WDFY3: variants seen among roughly 807,000 people sequenced by gnomAD.
WDFY3 encodes the protein WD repeat and FYVE domain containing 3.
A neutral mutation model predicts 409.6 loss-of-function variants in WDFY3; 66 were observed. That is an observed-to-expected ratio of 0.16 (90% CI 0.13 to 0.20). WDFY3 has a LOEUF of 0.20. Among genes scored for constraint, WDFY3 ranks in the 10% least tolerant of loss-of-function variants. WDFY3 has a pLI of 1.00. For synonymous variants in WDFY3, 1,521 were observed against 1,537.1 expected (o/e 0.99, Z 0.25); for missense variants, 3,031 against 4,298.1 (o/e 0.71, Z 8.24).
At chr4:84,735,692 ACTATT>A (rs1311969631) in intron 42 of WDFY3, among the ~76,000 whole-genome samples, 1 of 152,174 alleles carries the variant, frequency 6.6e-6, no homozygotes, top group Non-Finnish European at 1.5e-5. Flanking sequence ...GCTGACACAT[ACTATT>A]TCTCTCAGAT....
chr4:84,842,253 G>T (rs1757464858), intron 5 of WDFY3, among the ~76,000 whole-genome samples: 2 of 152,140 alleles, frequency 1.3e-5, no homozygotes, highest in South Asian at 4.1e-4. Flanking sequence ...AAGGCGGGCA[G>T]ATCACCTGAG....
chr4:84,737,079 C>A, intron 41 of WDFY3, 105 bp downstream of exon 41: 1 of 1,208,934 alleles, frequency 8.3e-7, no homozygotes, highest in Admixed American at 2.3e-5. Flanking sequence ...TTAAGGATGA[C>A]TTTATAGAAT....
intron 3 of WDFY3, among the ~76,000 whole-genome samples, chr4:84,888,412 G>A (rs1283330731): frequency 6.6e-6 from 1 of 151,996 alleles, no homozygotes; most frequent in South Asian, 2.1e-4. Flanking sequence ...AATGAGTTAT[G>A]AGCAATTCTT....
At chr4:84,762,981 A>C (rs1742952275) in intron 32 of WDFY3, among the ~76,000 whole-genome samples, 1 of 152,038 alleles carries the variant, frequency 6.6e-6, no homozygotes, top group Non-Finnish European at 1.5e-5. Context: ...TGAAAAAGAA[A>C]CCAAAAGACA....
intron 30 of WDFY3, among the ~76,000 whole-genome samples, chr4:84,768,155 A>G (rs1010305069): frequency 5.3e-5 from 8 of 152,250 alleles, no homozygotes; most frequent in African/African-American, 1.9e-4. Flanking sequence ...AGGGTTAAGG[A>G]AAGAAGCCAT....
At chr4:84,824,046 T>G (rs1426507468) in intron 10 of WDFY3, among the ~76,000 whole-genome samples, 2 of 152,138 alleles carry the variant, frequency 1.3e-5, no homozygotes, top group Non-Finnish European at 1.5e-5. Context: ...ACACAAATTG[T>G]GGACTATCCA....
chr4:84,760,619 G>T (rs1489496598), intron 32 of WDFY3, among the ~76,000 whole-genome samples: 1 of 152,150 alleles, frequency 6.6e-6, no homozygotes, highest in African/African-American at 2.4e-5. Context: ...TTCTCTGATG[G>T]TAGCTTGTAT....
chr4:84,870,114 C>T (rs1467716464), intron 3 of WDFY3, among the ~76,000 whole-genome samples: 1 of 152,134 alleles, frequency 6.6e-6, no homozygotes, highest in Admixed American at 6.6e-5. Context: ...CAGTCTAGTC[C>T]TTTAACAGAT....
chr4:84,751,703 T>A lies in WDFY3; in HGVS notation c.5753A>T (p.Asp1918Val). Residue 1918 changes from aspartate to valine, a missense_variant, in exon 36 of 68, where the codon GAT (aspartate) becomes GTT (valine). By Grantham distance (152) the Asp-to-Val change is radical. Around this residue, in one of 16 missense-constraint regions of WDFY3, gnomAD observed 314 missense variants for 397.4 expected, o/e 0.79. Coordinates refer to ENST00000295888, the MANE Select transcript of WDFY3 (RefSeq NM_014991.6). ...RPYSEMVTDL[D>V]DEVGSPAEEF... is the part of the protein sequence containing the mutation. ...TTCTGCTGGAGATCCAACTTCATCATCAAGGTCAGTCACCTAGTAAAATCA... is the reference window on the plus strand; with the variant it reads ...TTCTGCTGGAGATCCAACTTCATCAACAAGGTCAGTCACCTAGTAAAATCA... 6.2e-7 allele frequency: 1 copy of A among 1,614,182 alleles called. No individual in the cohort carries two copies. The highest frequency in any genetic ancestry group is 8.5e-7 in the Non-Finnish European group (1 of 1,180,026).
chr4:84,724,522 G>C lies in WDFY3; in HGVS notation c.7345C>G (p.Pro2449Ala). The change falls in exon 46 of 68, where the codon CCC (proline) becomes GCC (alanine). Residue 2449 changes from proline to alanine, a missense_variant. Pro to Ala is a conservative substitution (Grantham distance 27). Transcript: ENST00000295888. The stretch of plus-strand genomic sequence containing the variant: ...ACAATGGCGTCTTGGACAATGGCGG[G>C]ATTGCCAGAGGCCAGTCGCATGTAG... ...EYYMRLASGN[P>A]AIVQDAIVES... is the part of the protein sequence containing the mutation. 6.2e-7 allele frequency: 1 copy of C among 1,614,142 alleles called. No homozygotes were observed. Among genetic ancestry groups the C allele is most frequent in the South Asian group, 1.1e-5 (1 of 91,084 alleles).
intron 58 of WDFY3, among the ~76,000 whole-genome samples, chr4:84,695,509 TAGAGAGAGAGAGAGAGAGAGAGAG>T (rs869147060): frequency 6.5e-5 from 7 of 107,288 alleles, no homozygotes; most frequent in African/African-American, 1.4e-4. Flanking sequence ...CAGAGAGAGA[TAGAGAGAGAGAGAGAGAGAGAGAG>T]AGAGAGAGAG....
In WDFY3 at chr4:84,785,975, T is replaced by G. The variant is rs1327191183; in HGVS notation, c.4062+4A>C. ...ATAGTACACCAAGAAATCATTCTGC[T>G]TACCTGCTTAGCAATGGCTTTGCTA... On this transcript the variant is annotated splice_donor_region_variant and intron_variant, in intron 24 of 67. Coordinates refer to ENST00000295888, the MANE Select transcript of WDFY3 (RefSeq NM_014991.6). The G allele has an allele frequency of 2.2e-5, 35 of 1,613,738 alleles. No homozygotes were observed. The highest frequency in any genetic ancestry group is 2.9e-5 in the Non-Finnish European group (34 of 1,179,862).
chr4:84,750,233 T>G (rs1375492347), intron 36 of WDFY3, among the ~76,000 whole-genome samples: 2 of 152,186 alleles, frequency 1.3e-5, no homozygotes, highest in East Asian at 3.9e-4. Flanking sequence ...AGGGGAGACG[T>G]TCCATTGGGC....
Position 84,830,255 on chromosome 4 carries a change from T to C in WDFY3, c.770-1065A>G, listed in dbSNP as rs532329824. Reference sequence around the variant, plus strand: ...GACTTAAGATGTTTCTACTTTATGATGGTGTGAAAGCAACATGTATTCAAT... The same window carrying C: ...GACTTAAGATGTTTCTACTTTATGACGGTGTGAAAGCAACATGTATTCAAT... On this transcript the variant is annotated intron_variant, in intron 8 of 67. Transcript: ENST00000295888. 3.6e-3 allele frequency among the ~76,000 whole-genome samples: 546 copies of C among 152,314 alleles called. 1 individual carries two copies. Among genetic ancestry groups the C allele is most frequent in the Non-Finnish European group, 6.7e-3 (453 of 68,014 alleles).
At chr4:84,745,726 T>A (rs532143489) in intron 36 of WDFY3, among the ~76,000 whole-genome samples, 1 of 152,310 alleles carries the variant, frequency 6.6e-6, no homozygotes, top group Non-Finnish European at 1.5e-5. Context: ...GAACATCTCA[T>A]GTTTTTATCT....
rs2149193168 is a variant in WDFY3, at chr4:84,736,260, A to G, written c.6825T>C (p.Arg2275=). The G allele has an allele frequency of 6.2e-7, 1 of 1,613,660 alleles. No individual in the cohort carries two copies. Among genetic ancestry groups the G allele is most frequent in the Non-Finnish European group, 8.5e-7 (1 of 1,179,708 alleles). ...TGGAAAGACCAAAGCCACTGCTGAC[A>G]CGGGATAATTTGGACTGTGTGGTGG... The part of the protein sequence containing the change: ...LAPTTQSKLS[R]VSSGFGLSKL... The change falls in exon 42 of 68, where the codon CGT becomes CGC. Residue 2275 remains arginine (R), a synonymous_variant. Transcript: ENST00000295888.
At chr4:84,832,512 A>G (rs1431742978) in intron 7 of WDFY3, among the ~76,000 whole-genome samples, 1 of 152,194 alleles carries the variant, frequency 6.6e-6, no homozygotes, top group Non-Finnish European at 1.5e-5. Context: ...AAGAAATAAT[A>G]AATGTTTGAG....
At chr4:84,717,256 C>T (rs1386089044) in intron 48 of WDFY3, among the ~76,000 whole-genome samples, 1 of 152,028 alleles carries the variant, frequency 6.6e-6, no homozygotes, top group African/African-American at 2.4e-5. Context: ...AGTTATCTAC[C>T]AGACATGGTT....
intron 51 of WDFY3, among the ~76,000 whole-genome samples, chr4:84,712,655 G>T (rs11733678): frequency 0.033 from 5,036 of 151,970 alleles, 86 homozygotes; most frequent in South Asian, 0.05. Flanking sequence ...CCAGGAGGTT[G>T]CAGTGAGCCA....
Sources: allele counts gnomAD v4.1 joint callset (sites outside exome capture counted in the v4.1 genomes callset), GRCh38; gene constraint gnomAD v4.1.1; regional missense constraint gnomAD v4.1.1; transcripts MANE v1.5; gene names NCBI Gene and HGNC (gene_info 2026-07-23, HGNC 2026-07-21).